ASTN2: variants seen among roughly 807,000 people sequenced by gnomAD.
The protein encoded by ASTN2 is astrotactin-2.
Under a neutral mutation model 139.8 loss-of-function variants are expected in ASTN2, and 54 were observed. The ratio of observed to expected loss-of-function variants is 0.39; its 90% confidence interval spans 0.31 to 0.48. The LOEUF is 0.48. ASTN2 is among the 20% of genes least tolerant of loss of function. ASTN2 has a pLI of 0.95. For synonymous variants in ASTN2, 756 were observed against 719.5 expected, an observed-to-expected ratio of 1.05 and a Z score of -0.81; for missense variants, 1,565 against 1,725.1, an observed-to-expected ratio of 0.91 and a Z score of 1.64.
intron 1 of ASTN2, among the ~76,000 whole-genome samples, chr9:117,385,294 G>A (rs934332481): frequency 4.6e-5 from 7 of 152,102 alleles, no homozygotes. Context: ...CCAGCCATAA[G>A]GGAATAGATT....
In ASTN2 at chr9:117,414,684, G is replaced by A. The variant is rs1244100437; in HGVS notation, c.255C>T (p.Gly85=). Residue 85 remains glycine (G), a synonymous_variant, in exon 1 of 23, where the codon GGC becomes GGT. Transcript: ENST00000313400. This position sits in a 1 kb window ranked among gnomAD's most constrained non-coding sequence, Gnocchi z 4.2. ...ALRESDIGWS[G]ARAGAGAGTG... is the part of the protein sequence containing the mutation. ...TCCCAGCCCCGGCCCCGGCGCGGGCGCCGCTCCAGCCGATGTCGCTCTCCC... is the reference window on the plus strand; with the variant it reads ...TCCCAGCCCCGGCCCCGGCGCGGGCACCGCTCCAGCCGATGTCGCTCTCCC... 1 of 1,248,566 alleles carries A rather than the reference G, an allele frequency of 8.0e-7. No individual in the cohort carries two copies. The highest frequency in any genetic ancestry group is 4.1e-5 in the Admixed American group (1 of 24,656). The allele number at this position is 1,248,566 out of a possible 1,614,324, so 77.3% of individuals were successfully genotyped here.
chr9:117,325,900 T>C (rs1031516760), intron 1 of ASTN2, among the ~76,000 whole-genome samples: 2 of 152,000 alleles, frequency 1.3e-5, no homozygotes, highest in African/African-American at 4.8e-5. Flanking sequence ...GTCATATAAG[T>C]GCTTGGAGCA....
intron 4 of ASTN2, among the ~76,000 whole-genome samples, chr9:117,130,653 G>T (rs1433561912): frequency 6.6e-6 from 1 of 152,194 alleles, no homozygotes; most frequent in East Asian, 1.9e-4. Flanking sequence ...CAGGAAGAAG[G>T]CTCATGTTAG....
intron 19 of ASTN2, chr9:116,568,832 C>G (rs866140031): frequency 1.1e-4 from 16 of 152,246 alleles, no homozygotes; most frequent in African/African-American, 2.7e-4. Context: ...AAGGAGCCAA[C>G]TGGAAGGCAA....
intron 19 of ASTN2, among the ~76,000 whole-genome samples, chr9:116,539,689 G>A (rs1407622735): frequency 6.6e-6 from 1 of 152,144 alleles, no homozygotes; most frequent in Non-Finnish European, 1.5e-5. Context: ...AGTGACTAAC[G>A]GGTGTATACG....
intron 3 of ASTN2, among the ~76,000 whole-genome samples, chr9:117,203,890 G>A (rs1001996628): frequency 1.4e-4 from 22 of 152,102 alleles, no homozygotes; most frequent in Non-Finnish European, 2.6e-4. Flanking sequence ...TGGTGGAGAG[G>A]GTGTGTTTTT....
chr9:116,998,690 T>A (rs149733020), intron 7 of ASTN2, among the ~76,000 whole-genome samples: 3 of 152,336 alleles, frequency 2.0e-5, no homozygotes, highest in Non-Finnish European at 4.4e-5. Context: ...ACTTTTATAA[T>A]GTATATACCC....
chr9:116,893,052 T>G (rs1833801667), intron 10 of ASTN2, among the ~76,000 whole-genome samples: 1 of 152,062 alleles, frequency 6.6e-6, no homozygotes, highest in African/African-American at 2.4e-5. Context: ...TTTATCACAC[T>G]TATTATTTAT....
intron 2 of ASTN2, among the ~76,000 whole-genome samples, chr9:117,233,229 G>A (rs1832949294): frequency 6.6e-6 from 1 of 152,182 alleles, no homozygotes; most frequent in Non-Finnish European, 1.5e-5. Flanking sequence ...ATTCCCCCAA[G>A]CGAGCATGTG....
intron 2 of ASTN2, among the ~76,000 whole-genome samples, chr9:117,286,272 AAAC>A (rs544161638): frequency 2.8e-4 from 42 of 152,318 alleles, no homozygotes; most frequent in Non-Finnish European, 5.3e-4. Context: ...TGCAAAAAAG[AAAC>A]AAGAAGTTGT....
chr9:116,791,011 G>A (rs1017659100), intron 13 of ASTN2, among the ~76,000 whole-genome samples: 1 of 125,562 alleles, frequency 8.0e-6, no homozygotes, highest in African/African-American at 2.9e-5. Flanking sequence ...AAGAAAGAAA[G>A]AAAGAAAGAA....
chr9:116,518,276 T>C (rs1830581), intron 19 of ASTN2, among the ~76,000 whole-genome samples: 30,971 of 152,026 alleles, frequency 0.2, 3,297 homozygotes, highest in Non-Finnish European at 0.23. Context: ...AGGTAACCTA[T>C]AAAAGAAAAC....
chr9:116,796,781 G>A (rs1830702615), intron 13 of ASTN2, among the ~76,000 whole-genome samples: 1 of 152,108 alleles, frequency 6.6e-6, no homozygotes, highest in Non-Finnish European at 1.5e-5. Flanking sequence ...ATACTGTATT[G>A]TAGACTCAAA....
Position 116,620,247 on chromosome 9 carries a change from C to A in ASTN2, c.3206+63G>T. 3 of 1,607,840 alleles carry A rather than the reference C, an allele frequency of 1.9e-6. 1 individual carries two copies. The South Asian group carries it at 3.3e-5, about 18-fold the overall frequency. ...AGAAGCAAGTCATGGCATGGGCTGG[C>A]AGGACAGGAGTGTGAGTCCACGAAA... On this transcript the variant is annotated intron_variant, in intron 18 of 22. Coordinates refer to ENST00000313400, the MANE Select transcript of ASTN2 (RefSeq NM_001365068.1).
chr9:117,336,994 G>A (rs1828906956), intron 1 of ASTN2, among the ~76,000 whole-genome samples: 1 of 152,154 alleles, frequency 6.6e-6, no homozygotes, highest in Admixed American at 6.5e-5. Context: ...CAGTTTGCAT[G>A]AATAAATAAG....
intron 19 of ASTN2, among the ~76,000 whole-genome samples, chr9:116,605,211 G>C (rs1232644193): frequency 6.6e-6 from 1 of 152,096 alleles, no homozygotes. Flanking sequence ...ATACTGATCG[G>C]GGGGGAGAGG....
intron 10 of ASTN2, among the ~76,000 whole-genome samples, chr9:116,876,015 G>T (rs1833286623): frequency 6.6e-6 from 1 of 152,170 alleles, no homozygotes; most frequent in Admixed American, 6.5e-5. Context: ...AATACATTTT[G>T]TAAGGTTATA....
In ASTN2 at chr9:117,408,147, A is replaced by ATT. The variant is rs35658539; in HGVS notation, c.442+6348_442+6349dup. On this transcript the variant is annotated intron_variant, in intron 1 of 22. Coordinates refer to ENST00000313400, the MANE Select transcript of ASTN2 (RefSeq NM_001365068.1). ...TCCCTAAGGAGATTTTTCCTTGTAGATTTTTTTTTTTTGGCAGGGGGAGAG... is the reference window on the plus strand; with the variant it reads ...TCCCTAAGGAGATTTTTCCTTGTAGATTTTTTTTTTTTTTGGCAGGGGGAGAG... Among the ~76,000 whole-genome samples the ATT allele has an allele frequency of 9.4e-3, 1,346 of 142,510 alleles. 19 individuals carry two copies. Among genetic ancestry groups the ATT allele is most frequent in the African/African-American group, 0.03 (1,198 of 40,240 alleles). 93.5% of individuals were successfully genotyped at this position (142,510 alleles called of 152,430 possible). A position where few individuals can be genotyped will look rare whatever the true frequency, so the allele number is the denominator to read the frequency against.
At chr9:116,854,810 C>T (rs1832696432) in intron 11 of ASTN2, among the ~76,000 whole-genome samples, 1 of 151,936 alleles carries the variant, frequency 6.6e-6, no homozygotes, top group African/African-American at 2.4e-5. Flanking sequence ...TGCCACCACG[C>T]TCTGCTAATT....
Sources: gnomAD v4.1 joint callset for allele counts (sites outside exome capture counted in the v4.1 genomes callset) on GRCh38, gnomAD v4.1.1 for gene constraint, Gnocchi (gnomAD v3.1) non-coding constraint, MANE v1.5 for transcripts, NCBI Gene and HGNC (gene_info 2026-07-23, HGNC 2026-07-21) for gene names.